Variants in LINGO2 observed in about 807,000 individuals in gnomAD.
The protein encoded by LINGO2 is leucine rich repeat and Ig domain containing 2, also known as leucine-rich repeat and immunoglobulin-like domain-containing nogo receptor-interacting protein 2.
LINGO2 carries 14 observed loss-of-function variants against 30.6 expected under a neutral mutation model. The observed-to-expected ratio is 0.46, with a 90% CI of 0.30 to 0.72. LINGO2 has a LOEUF of 0.72. Among genes scored for constraint, LINGO2 ranks in the 30% least tolerant of loss-of-function variants. The probability of loss-of-function intolerance (pLI) is 0.07; values close to 1 mark genes in which losing one functional copy is unlikely to be tolerated. For synonymous variants in LINGO2, 317 were observed against 288.5 expected, an observed-to-expected ratio of 1.10 and a Z score of -1.00; for missense variants, 729 against 751.7, an observed-to-expected ratio of 0.97 and a Z score of 0.35.
At chr9:28,134,826 G>A (rs144592917) in intron 4 of LINGO2, among the ~76,000 whole-genome samples, 12 of 152,214 alleles carry the variant, frequency 7.9e-5, no homozygotes, top group Non-Finnish European at 1.3e-4. Context: ...TTATGACAAC[G>A]GCAGTGAAGA....
chr9:28,121,028 T>C (rs1354517328), intron 4 of LINGO2, among the ~76,000 whole-genome samples: 1 of 152,190 alleles, frequency 6.6e-6, no homozygotes, highest in African/African-American at 2.4e-5. Flanking sequence ...ACTTGAGAAT[T>C]TTGGGGGCTA....
the LINGO2 span, among the ~76,000 whole-genome samples, chr9:28,740,011 T>C: frequency 6.6e-6 from 1 of 151,310 alleles, no homozygotes; most frequent in Admixed American, 6.6e-5. Context: ...TACTCATTTG[T>C]TATTTAGGAG....
At chr9:28,938,183 G>A in the LINGO2 span, among the ~76,000 whole-genome samples, 2 of 152,086 alleles carry the variant, frequency 1.3e-5, no homozygotes, top group African/African-American at 4.8e-5. Flanking sequence ...TTAGTCCAGT[G>A]GCAGGACCTC....
chr9:28,634,414 C>T (rs968699181), intron 1 of LINGO2, among the ~76,000 whole-genome samples: 10 of 151,652 alleles, frequency 6.6e-5, no homozygotes, highest in African/African-American at 1.7e-4. Context: ...CCTTCCTTTA[C>T]GAAACAGAAT....
chr9:29,183,567 C>A, the LINGO2 span, among the ~76,000 whole-genome samples: 1 of 152,168 alleles, frequency 6.6e-6, no homozygotes, highest in Non-Finnish European at 1.5e-5. Flanking sequence ...AGTTAACAGA[C>A]GGACTGCAGG....
the LINGO2 span, among the ~76,000 whole-genome samples, chr9:28,796,088 C>G: frequency 7.1e-6 from 1 of 140,824 alleles, no homozygotes; most frequent in Non-Finnish European, 1.5e-5. Flanking sequence ...AAATAGTGCA[C>G]AAAAAAAAAA....
At chr9:28,464,155 T>C (rs1223694727) in intron 2 of LINGO2, among the ~76,000 whole-genome samples, 1 of 152,208 alleles carries the variant, frequency 6.6e-6, no homozygotes, top group Non-Finnish European at 1.5e-5. Flanking sequence ...AATATTTCAA[T>C]ATTTTCCCAT....
intron 4 of LINGO2, among the ~76,000 whole-genome samples, chr9:28,104,003 C>T (rs1826494792): frequency 6.6e-6 from 1 of 152,010 alleles, no homozygotes; most frequent in African/African-American, 2.4e-5. Flanking sequence ...CTTTTAATAG[C>T]TACCCACTGT....
At chr9:28,697,579 A>C in the LINGO2 span, among the ~76,000 whole-genome samples, 1 of 151,994 alleles carries the variant, frequency 6.6e-6, no homozygotes, top group Admixed American at 6.6e-5. Flanking sequence ...TGTAAAAAAC[A>C]AAGCTGCTAG....
chr9:28,051,489 T>C (rs1824670198), intron 4 of LINGO2, among the ~76,000 whole-genome samples: 2 of 151,716 alleles, frequency 1.3e-5, no homozygotes, highest in African/African-American at 4.8e-5. Flanking sequence ...ATTTTGCATA[T>C]ATTTATCCAA....
chr9:29,200,565 T>C, the LINGO2 span, among the ~76,000 whole-genome samples: 2 of 152,122 alleles, frequency 1.3e-5, no homozygotes, highest in Non-Finnish European at 2.9e-5. Context: ...AGTTAAGATA[T>C]ATAGAAAAAT....
intron 3 of LINGO2, among the ~76,000 whole-genome samples, chr9:28,350,148 A>C (rs1283129609): frequency 1.3e-5 from 2 of 148,496 alleles, no homozygotes; most frequent in African/African-American, 2.5e-5. Flanking sequence ...CACACATAAC[A>C]ATATTAACTT....
intron 4 of LINGO2, among the ~76,000 whole-genome samples, chr9:28,095,895 C>A (rs184940499): frequency 1.3e-5 from 2 of 152,178 alleles, no homozygotes; most frequent in Non-Finnish European, 2.9e-5. Flanking sequence ...AAAAAGTGGG[C>A]GAAGGACATG....
the LINGO2 span, among the ~76,000 whole-genome samples, chr9:29,015,680 G>A: frequency 7.2e-5 from 11 of 151,982 alleles, no homozygotes; most frequent in Non-Finnish European, 1.5e-4. Flanking sequence ...AAAATATATA[G>A]GGTAATGCTT....
At chr9:29,135,653 G>A in the LINGO2 span, among the ~76,000 whole-genome samples, 1 of 151,688 alleles carries the variant, frequency 6.6e-6, no homozygotes, top group Non-Finnish European at 1.5e-5. Flanking sequence ...CTAATAAAAT[G>A]CACATAGCAC....
At chr9:28,405,427 C>T (rs977958879) in intron 2 of LINGO2, among the ~76,000 whole-genome samples, 2 of 152,084 alleles carry the variant, frequency 1.3e-5, no homozygotes, top group Non-Finnish European at 2.9e-5. Context: ...CCCATCGCCT[C>T]TAGTTAGAGG....
At chr9:28,877,986 T>A in the LINGO2 span, among the ~76,000 whole-genome samples, 1 of 152,158 alleles carries the variant, frequency 6.6e-6, no homozygotes, top group South Asian at 2.1e-4. Flanking sequence ...AAAGTTGGAT[T>A]CCTAGGTATT....
At chr9:28,046,421 G>A (rs1174624642) in intron 4 of LINGO2, among the ~76,000 whole-genome samples, 1 of 152,154 alleles carries the variant, frequency 6.6e-6, no homozygotes, top group Non-Finnish European at 1.5e-5. Context: ...CCACCAATTT[G>A]CATTTCTAAC....
chr9:28,302,806 A>G (rs1440091692), intron 3 of LINGO2, among the ~76,000 whole-genome samples: 1 of 152,208 alleles, frequency 6.6e-6, no homozygotes, highest in Non-Finnish European at 1.5e-5. Flanking sequence ...AGTGTGTCAC[A>G]TTGTATGCTT....
Sources: allele counts gnomAD v4.1 joint callset (sites outside exome capture counted in the v4.1 genomes callset), GRCh38; gene constraint gnomAD v4.1.1; transcripts MANE v1.5; gene names NCBI Gene and HGNC (gene_info 2026-07-23, HGNC 2026-07-21).